TRAPPC9: variants seen among roughly 807,000 people sequenced by gnomAD.
The protein encoded by TRAPPC9 is trafficking protein particle complex subunit 9, also known as IKK2 binding protein.
Under a neutral mutation model 124.0 loss-of-function variants are expected in TRAPPC9, and 83 were observed. The observed-to-expected ratio is 0.67, with a 90% confidence interval of 0.56 to 0.80. The LOEUF is 0.80. Ranked by LOEUF, TRAPPC9 falls within the 30% of genes least tolerant of loss-of-function variation. TRAPPC9 has a pLI of 0.00. For synonymous variants in TRAPPC9, 638 were observed against 617.5 expected (o/e 1.03, Z -0.49); for missense variants, 1,302 against 1,508.3 (o/e 0.86, Z 2.27).
At chr8:139,990,329 C>T (rs762577105) in intron 18 of TRAPPC9, among the ~76,000 whole-genome samples, 73 of 152,296 alleles carry the variant, frequency 4.8e-4, no homozygotes, top group Admixed American at 1.4e-3. Flanking sequence ...TCGAAACCCT[C>T]GGCTTTTCCC....
intron 21 of TRAPPC9, among the ~76,000 whole-genome samples, chr8:139,769,144 C>A (rs1261832337): frequency 2.6e-5 from 4 of 152,208 alleles, no homozygotes. Flanking sequence ...ACCCTGTTAT[C>A]CTCGGGGGCA....
chr8:140,324,371 C>T (rs1317927436), intron 9 of TRAPPC9, among the ~76,000 whole-genome samples: 1 of 152,226 alleles, frequency 6.6e-6, no homozygotes, highest in Admixed American at 6.5e-5. Flanking sequence ...TTTGTATGTA[C>T]TTAATAACAG....
At chr8:140,405,483 A>G in intron 6 of TRAPPC9, 94 bp downstream of exon 6, 1 of 1,349,408 alleles carries the variant, frequency 7.4e-7, no homozygotes, top group South Asian at 1.2e-5. Context: ...GAAATAAATA[A>G]TTAAGAGACA....
At chr8:140,311,947 C>A (rs2066310214) in intron 9 of TRAPPC9, among the ~76,000 whole-genome samples, 2 of 152,176 alleles carry the variant, frequency 1.3e-5, no homozygotes, top group South Asian at 4.1e-4. Flanking sequence ...GCTTCCTGTC[C>A]ATGGCACAGT....
At chr8:139,786,212 A>T (rs1822235301) in intron 21 of TRAPPC9, among the ~76,000 whole-genome samples, 1 of 152,216 alleles carries the variant, frequency 6.6e-6, no homozygotes, top group South Asian at 2.1e-4. Flanking sequence ...TGTCTCAAAC[A>T]AACAAACAAA....
intron 13 of TRAPPC9, among the ~76,000 whole-genome samples, chr8:140,286,258 G>C (rs1433193766): frequency 2.0e-5 from 3 of 152,212 alleles, no homozygotes; most frequent in Non-Finnish European, 2.9e-5. Flanking sequence ...GAGAGGCAGA[G>C]AGGAGGTTGC....
intron 20 of TRAPPC9, among the ~76,000 whole-genome samples, chr8:139,896,829 A>G (rs778478108): frequency 3.2e-4 from 49 of 152,316 alleles, no homozygotes; most frequent in Admixed American, 6.5e-4. Context: ...CCCAGCACAG[A>G]GCTCTCCATG....
At chr8:139,962,063 C>A (rs1443540457) in intron 19 of TRAPPC9, among the ~76,000 whole-genome samples, 1 of 124,412 alleles carries the variant, frequency 8.0e-6, no homozygotes, top group Non-Finnish European at 1.9e-5. Flanking sequence ...CTCTTCTCTG[C>A]TGAGAACTGA....
At chr8:140,122,910 G>A (rs1184791723) in intron 17 of TRAPPC9, among the ~76,000 whole-genome samples, 2 of 152,248 alleles carry the variant, frequency 1.3e-5, no homozygotes, top group African/African-American at 4.8e-5. Context: ...GCCATCCCGA[G>A]CACGAGGTTA....
intron 7 of TRAPPC9, among the ~76,000 whole-genome samples, chr8:140,383,635 C>T (rs964718650): frequency 4.6e-5 from 7 of 152,132 alleles, no homozygotes; most frequent in South Asian, 4.1e-4. Context: ...AAGAAATGAA[C>T]AAAGCCTCCA....
chr8:139,879,239 G>A (rs935493130), intron 21 of TRAPPC9, among the ~76,000 whole-genome samples: 6 of 152,312 alleles, frequency 3.9e-5, no homozygotes, highest in East Asian at 3.9e-4. Flanking sequence ...CAGGGAACAC[G>A]GCAGCCCCAA....
intron 9 of TRAPPC9, among the ~76,000 whole-genome samples, chr8:140,315,150 T>A (rs1371749335): frequency 1.3e-5 from 2 of 152,070 alleles, no homozygotes; most frequent in Non-Finnish European, 2.9e-5. Context: ...AAAGGTGATC[T>A]CTCATAGCGG....
intron 15 of TRAPPC9, among the ~76,000 whole-genome samples, chr8:140,271,265 T>C (rs1420738168): frequency 6.6e-6 from 1 of 152,212 alleles, no homozygotes; most frequent in Non-Finnish European, 1.5e-5. Flanking sequence ...TAGGAAAGCA[T>C]GAAATTAAGG....
chr8:140,159,745 C>T (rs1197739806), intron 17 of TRAPPC9, among the ~76,000 whole-genome samples: 3 of 152,094 alleles, frequency 2.0e-5, no homozygotes, highest in Non-Finnish European at 4.4e-5. Context: ...GTAAGGTGCC[C>T]ACAGTGGTGC....
intron 17 of TRAPPC9, among the ~76,000 whole-genome samples, chr8:140,074,310 A>G (rs1347469198): frequency 1.3e-5 from 2 of 152,162 alleles, no homozygotes; most frequent in Non-Finnish European, 2.9e-5. Flanking sequence ...CTACCCAGCA[A>G]TCAGAACTCC....
At chr8:139,770,829 T>C (rs1820905856) in intron 21 of TRAPPC9, among the ~76,000 whole-genome samples, 1 of 152,130 alleles carries the variant, frequency 6.6e-6, no homozygotes, top group Admixed American at 6.5e-5. Flanking sequence ...AAGACAGTAG[T>C]GCAGGAAGGC....
intron 10 of TRAPPC9, among the ~76,000 whole-genome samples, chr8:140,307,190 T>A (rs949077385): frequency 1.3e-5 from 2 of 152,086 alleles, no homozygotes; most frequent in African/African-American, 2.4e-5. Context: ...CTGGACACAG[T>A]AGCAAGAGGA....
intron 17 of TRAPPC9, among the ~76,000 whole-genome samples, chr8:140,028,946 C>T (rs1252372691): frequency 6.6e-6 from 1 of 152,158 alleles, no homozygotes; most frequent in Non-Finnish European, 1.5e-5. Flanking sequence ...AAACCTACTT[C>T]TTGAAAATAT....
chr8:139,755,887 T>G (rs1819722345), intron 21 of TRAPPC9, among the ~76,000 whole-genome samples: 1 of 129,038 alleles, frequency 7.7e-6, no homozygotes, highest in African/African-American at 3.2e-5. Context: ...AGCCAGGGTT[T>G]GGGGATGAGG....
Sources: allele counts gnomAD v4.1 joint callset (sites outside exome capture counted in the v4.1 genomes callset), GRCh38; gene constraint gnomAD v4.1.1; transcripts MANE v1.5; gene names NCBI Gene and HGNC (gene_info 2026-07-23, HGNC 2026-07-21).